TENM2: variants seen among roughly 807,000 people sequenced by gnomAD.
TENM2 encodes teneurin-2.
Under a neutral mutation model 245.2 loss-of-function variants are expected in TENM2, and 52 were observed. The ratio of observed to expected loss-of-function variants is 0.21; its 90% CI spans 0.17 to 0.27. The LOEUF is 0.27. Among genes scored for constraint, TENM2 ranks in the 10% least tolerant of loss-of-function variants. The pLI is 1.00. For missense variants in TENM2, 3,046 were observed against 3,666.8 expected (o/e 0.83, Z 4.37); for synonymous variants, 1,363 against 1,438.9 (o/e 0.95, Z 1.19).
chr5:167,995,567 G>T lies in TENM2; in HGVS notation c.1186+2385G>T, dbSNP rs1327302748. Among the ~76,000 whole-genome samples the T allele has an allele frequency of 2.0e-5, 3 of 152,178 alleles. No homozygotes were observed. In the South Asian group the frequency reaches 6.2e-4, roughly 32 times the overall value. On this transcript the variant is annotated intron_variant, in intron 5 of 28. Coordinates refer to ENST00000518659, the Ensembl canonical transcript of TENM2. ...AGCCACTCTCCCGAGGTGACCGCAG[G>T]TCTGCAAGCGTGGTAAGGGGTCAGG...
At chr5:167,304,788 G>C (rs999437302) in intron 1 of TENM2, among the ~76,000 whole-genome samples, 1 of 152,110 alleles carries the variant, frequency 6.6e-6, no homozygotes, top group African/African-American at 2.4e-5. Context: ...GTACATGGGA[G>C]TTTTCTAAAC....
intron 2 of TENM2, among the ~76,000 whole-genome samples, chr5:167,837,916 T>C (rs1384812829): frequency 6.6e-6 from 1 of 152,198 alleles, no homozygotes; most frequent in African/African-American, 2.4e-5. Context: ...CCAGGGACCT[T>C]GAAGTCTGTC....
chr5:167,340,224 C>G (rs1758014839), intron 1 of TENM2, among the ~76,000 whole-genome samples: 1 of 152,124 alleles, frequency 6.6e-6, no homozygotes, highest in African/African-American at 2.4e-5. Flanking sequence ...TTCTATAATG[C>G]ACCTCAAAGT....
intron 2 of TENM2, among the ~76,000 whole-genome samples, chr5:167,409,411 A>C (rs919284447): frequency 7.9e-5 from 12 of 152,050 alleles, no homozygotes; most frequent in Non-Finnish European, 1.6e-4. Flanking sequence ...CATATCCTGA[A>C]GGGGCAATTT....
At chr5:167,281,871 G>T (rs1219628953), upstream of TENM2, among the ~76,000 whole-genome samples, 1 of 151,808 alleles carries the variant, frequency 6.6e-6, no homozygotes, top group African/African-American at 2.4e-5. Context: ...GTGGTGGTGG[G>T]TACCTGTAAT....
chr5:167,913,868 A>G (rs1442482671), intron 3 of TENM2, among the ~76,000 whole-genome samples: 2 of 152,336 alleles, frequency 1.3e-5, no homozygotes, highest in African/African-American at 4.8e-5. Flanking sequence ...TCTTCTTATC[A>G]GTAAAATGGA....
At chr5:167,085,957 C>A in the TENM2 span, among the ~76,000 whole-genome samples, 1 of 152,162 alleles carries the variant, frequency 6.6e-6, no homozygotes, top group African/African-American at 2.4e-5. Flanking sequence ...GAATATGCTA[C>A]CAAGGATACA....
exon 7 of TENM2, chr5:168,062,110 G>T (rs1790096599): frequency 6.2e-7 from 1 of 1,612,486 alleles, no homozygotes; most frequent in African/African-American, 1.3e-5. Flanking sequence ...AGCAGAAGTT[G>T]GTCGGCGGGT....
At chr5:167,083,340 A>G in the TENM2 span, among the ~76,000 whole-genome samples, 1 of 152,104 alleles carries the variant, frequency 6.6e-6, no homozygotes, top group South Asian at 2.1e-4. Flanking sequence ...GACAACCACC[A>G]TATCTGGCTT....
At chr5:167,819,408 C>T (rs995329151) in intron 2 of TENM2, among the ~76,000 whole-genome samples, 1 of 152,220 alleles carries the variant, frequency 6.6e-6, no homozygotes, top group Non-Finnish European at 1.5e-5. Flanking sequence ...AAGCAGGTGG[C>T]TCTTGCCTCC....
intron 2 of TENM2, among the ~76,000 whole-genome samples, chr5:167,806,057 G>A: frequency 6.6e-6 from 1 of 152,112 alleles, no homozygotes. Flanking sequence ...GAGTTAAGAG[G>A]GACAGGTGCA....
the TENM2 span, among the ~76,000 whole-genome samples, chr5:167,133,398 C>T: frequency 5.9e-5 from 9 of 152,156 alleles, no homozygotes; most frequent in African/African-American, 1.9e-4. Context: ...TTTGTGCATG[C>T]TTGGTTCGTC....
intron 3 of TENM2, among the ~76,000 whole-genome samples, chr5:167,906,167 C>T (rs986987455): frequency 3.3e-5 from 5 of 151,988 alleles, no homozygotes; most frequent in Non-Finnish European, 5.9e-5. Flanking sequence ...AAGGAGGCAG[C>T]CAGGAGTGAG....
chr5:167,218,679 A>G, the TENM2 span, among the ~76,000 whole-genome samples: 70 of 152,336 alleles, frequency 4.6e-4, no homozygotes, highest in African/African-American at 1.6e-3. Flanking sequence ...GAAAAAATAA[A>G]TGAATAAAAG....
chr5:167,537,903 G>A (rs1025897739), intron 2 of TENM2, among the ~76,000 whole-genome samples: 6 of 152,188 alleles, frequency 3.9e-5, no homozygotes, highest in Non-Finnish European at 7.3e-5. Context: ...TTGTAGAAAA[G>A]TAAGTGGTGG....
intron 4 of TENM2, among the ~76,000 whole-genome samples, chr5:167,992,725 T>C (rs1783761486): frequency 1.3e-5 from 2 of 152,232 alleles, no homozygotes; most frequent in Admixed American, 6.5e-5. Context: ...TTGTGGAAGA[T>C]AACAACTAGA....
intron 5 of TENM2, among the ~76,000 whole-genome samples, chr5:168,044,431 T>G (rs540597874): frequency 1.3e-5 from 2 of 152,266 alleles, no homozygotes; most frequent in Non-Finnish European, 2.9e-5. Context: ...TGCTGATGAT[T>G]AAAATATCCT....
chr5:168,052,893 A>G (rs1789229906), intron 6 of TENM2, among the ~76,000 whole-genome samples: 1 of 152,222 alleles, frequency 6.6e-6, no homozygotes, highest in African/African-American at 2.4e-5. Flanking sequence ...TCTGTTTAGA[A>G]ACATGTTTTT....
rs373342835 is a variant in TENM2, at chr5:167,605,540, CAT to C, written c.502+230069_502+230070del. ...TTCCCCTGGAGTCACTGCTGCTGAG[CAT>C]AGTTAGGCCACTTGCATGCAAACTG... is the stretch of plus-strand genomic sequence containing the variant. On this transcript the variant is annotated intron_variant, in intron 2 of 28. Transcript: ENST00000518659. Among the ~76,000 whole-genome samples, 719 of 152,252 alleles carry C rather than the reference CAT, an allele frequency of 4.7e-3. 5 individuals carry two copies. The highest frequency in any genetic ancestry group is 0.016 in the African/African-American group (683 of 41,546).
Sources: gnomAD v4.1 joint callset for allele counts (sites outside exome capture counted in the v4.1 genomes callset) on GRCh38, gnomAD v4.1.1 for gene constraint, MANE v1.5 for transcripts, NCBI Gene and HGNC (gene_info 2026-07-23, HGNC 2026-07-21) for gene names.